The following ALX4 variants were observed in gnomAD, a reference collection of about 807,000 sequenced individuals.
ALX4 encodes ALX homeobox 4.
A neutral mutation model predicts 40.6 loss-of-function variants in ALX4; 22 were observed. The ratio of observed to expected loss-of-function variants is 0.54; its 90% CI spans 0.39 to 0.77. The LOEUF is 0.77. Ranked by LOEUF, ALX4 falls within the 30% of genes least tolerant of loss-of-function variation. ALX4 has a pLI of 0.00. For missense variants in ALX4, 556 were observed against 564.8 expected (o/e 0.98, Z 0.16); for synonymous variants, 266 against 240.5 (o/e 1.11, Z -0.98).
chr11:44,281,887 G>A (rs1590694670), intron 1 of ALX4, among the ~76,000 whole-genome samples: 1 of 152,314 alleles, frequency 6.6e-6, no homozygotes, highest in East Asian at 1.9e-4. Flanking sequence ...CAGTGTCCCG[G>A]CCCTCAAGGG....
intron 1 of ALX4, among the ~76,000 whole-genome samples, chr11:44,280,111 C>T (rs945611113): frequency 2.2e-4 from 33 of 152,158 alleles, no homozygotes; most frequent in Admixed American, 1.1e-3. Flanking sequence ...AAAAAGGGCA[C>T]GCAATGACGA....
intron 2 of ALX4, among the ~76,000 whole-genome samples, chr11:44,274,559 G>A (rs949227182): frequency 8.6e-5 from 13 of 152,028 alleles, no homozygotes; most frequent in African/African-American, 3.1e-4. Flanking sequence ...GTTGGAATGG[G>A]TTGAGTTGGG....
chr11:44,290,515 G>A (rs953025022), intron 1 of ALX4, among the ~76,000 whole-genome samples: 10 of 152,266 alleles, frequency 6.6e-5, no homozygotes, highest in African/African-American at 1.4e-4. Flanking sequence ...ACAGTGCAGG[G>A]TGGTGACCAG....
In ALX4 at chr11:44,267,485, G is replaced by C. The variant is rs370265770; in HGVS notation, c.906+9C>G. On this transcript the variant is annotated intron_variant, in intron 3 of 3. Coordinates refer to ENST00000652299, the MANE Select transcript of ALX4 (RefSeq NM_021926.4). ...GGGATCGGTGGCGGCAGCTCAGGGC[G>C]GGACTTACCTGGGCGTAGTTCTCAG... is the stretch of plus-strand genomic sequence containing the variant. The C allele has an allele frequency of 6.2e-7, 1 of 1,613,632 alleles. No homozygotes were observed. Among genetic ancestry groups the C allele is most frequent in the Non-Finnish European group, 8.5e-7 (1 of 1,179,874 alleles).
At chr11:44,265,518 C>T (rs1049682273) in intron 3 of ALX4, among the ~76,000 whole-genome samples, 12 of 152,140 alleles carry the variant, frequency 7.9e-5, no homozygotes, top group Non-Finnish European at 1.3e-4. Flanking sequence ...CCTCCATCTG[C>T]GGATGGCAGC....
intron 1 of ALX4, among the ~76,000 whole-genome samples, chr11:44,286,126 C>T (rs1171855682): frequency 2.0e-5 from 3 of 152,190 alleles, no homozygotes; most frequent in Admixed American, 6.5e-5. Flanking sequence ...GGTCCTTGGT[C>T]CCCTGCACAC....
chr11:44,306,747 A>C (rs1449313622), intron 1 of ALX4, among the ~76,000 whole-genome samples: 1 of 152,192 alleles, frequency 6.6e-6, no homozygotes, highest in Non-Finnish European at 1.5e-5. Context: ...TTGTCAATGC[A>C]TGCCTCAGTT....
intron 2 of ALX4, among the ~76,000 whole-genome samples, chr11:44,269,813 G>A (rs902992632): frequency 5.3e-5 from 8 of 152,228 alleles, no homozygotes; most frequent in African/African-American, 1.4e-4. Flanking sequence ...TGAATCAGAG[G>A]AGCTTGTTTT....
chr11:44,282,697 G>A (rs1034072001), intron 1 of ALX4, among the ~76,000 whole-genome samples: 5 of 152,194 alleles, frequency 3.3e-5, no homozygotes, highest in African/African-American at 7.2e-5. Context: ...GGTGGCCTTA[G>A]GGTCTGTAAA....
chr11:44,309,335 G>T (rs965477961), intron 1 of ALX4, among the ~76,000 whole-genome samples: 1 of 152,250 alleles, frequency 6.6e-6, no homozygotes, highest in Non-Finnish European at 1.5e-5. Context: ...GAGCGGTTTG[G>T]GGAAATGCCG....
intron 1 of ALX4, among the ~76,000 whole-genome samples, chr11:44,307,249 C>G (rs1003170929): frequency 6.6e-6 from 1 of 152,216 alleles, no homozygotes; most frequent in Non-Finnish European, 1.5e-5. Context: ...CCCAGTAAGG[C>G]CTTTCTGTTA....
At chr11:44,279,926 A>C (rs1444274956) in intron 1 of ALX4, among the ~76,000 whole-genome samples, 7 of 152,200 alleles carry the variant, frequency 4.6e-5, no homozygotes, top group Non-Finnish European at 1.0e-4. Flanking sequence ...CTGAGGAATA[A>C]ATGAACAATT....
intron 1 of ALX4, among the ~76,000 whole-genome samples, chr11:44,284,702 A>G (rs1266008210): frequency 6.6e-6 from 1 of 152,198 alleles, no homozygotes; most frequent in African/African-American, 2.4e-5. Flanking sequence ...CTGCACGAGT[A>G]TCTTCAGGCT....
intron 1 of ALX4, among the ~76,000 whole-genome samples, chr11:44,287,195 G>T (rs1015417323): frequency 6.6e-6 from 1 of 152,240 alleles, no homozygotes; most frequent in South Asian, 2.1e-4. Flanking sequence ...AATGGCAGGG[G>T]TGAGTGGGGA....
intron 1 of ALX4, among the ~76,000 whole-genome samples, chr11:44,306,086 A>C (rs1353987350): frequency 6.6e-6 from 1 of 152,102 alleles, no homozygotes; most frequent in East Asian, 1.9e-4. Flanking sequence ...TCGGGCAAGG[A>C]ATTCAGGAGG....
chr11:44,264,948 T>G lies in ALX4; in HGVS notation c.1142A>C (p.Glu381Ala). ...ASLSPGLNGY[E>A]LNGEPDRKTS... Reference sequence around the variant, plus strand: ...CTTGCGGTCCGGCTCGCCGTTGAGCTCGTAGCCATTGAGGCCTGGGCTGAG... The same window carrying G: ...CTTGCGGTCCGGCTCGCCGTTGAGCGCGTAGCCATTGAGGCCTGGGCTGAG... The change falls in exon 4 of 4, where the codon GAG (glutamate) becomes GCG (alanine). Residue 381 changes from glutamate to alanine, a missense_variant. Glu to Ala is a moderately radical substitution (Grantham distance 107). Coordinates refer to ENST00000652299, the MANE Select transcript of ALX4 (RefSeq NM_021926.4). 1 of 1,613,118 alleles carries G rather than the reference T, an allele frequency of 6.2e-7. No individual in the cohort carries two copies. The highest frequency in any genetic ancestry group is 8.5e-7 in the Non-Finnish European group (1 of 1,179,932).
chr11:44,270,508 T>A (rs1956239683), intron 2 of ALX4, among the ~76,000 whole-genome samples: 1 of 152,000 alleles, frequency 6.6e-6, no homozygotes, highest in Non-Finnish European at 1.5e-5. Context: ...TCCTCCCCAG[T>A]AAATTGGAGG....
chr11:44,290,576 A>G (rs1274125694), intron 1 of ALX4, among the ~76,000 whole-genome samples: 3 of 152,166 alleles, frequency 2.0e-5, no homozygotes, highest in Admixed American at 1.3e-4. Flanking sequence ...TCTGTAGAGG[A>G]GGTGTTTTGA....
intron 1 of ALX4, among the ~76,000 whole-genome samples, chr11:44,302,275 C>T (rs1050666313): frequency 6.6e-6 from 1 of 152,152 alleles, no homozygotes; most frequent in Non-Finnish European, 1.5e-5. Flanking sequence ...TACACACAAA[C>T]CCTCGGCCTC....
Sources: allele counts gnomAD v4.1 joint callset (sites outside exome capture counted in the v4.1 genomes callset), GRCh38; gene constraint gnomAD v4.1.1; transcripts MANE v1.5; gene names NCBI Gene and HGNC (gene_info 2026-07-23, HGNC 2026-07-21).